Variants in SLIT3 observed in about 807,000 individuals in gnomAD.
The protein encoded by SLIT3 is slit guidance ligand 3, also known as slit homolog 3 protein.
A neutral mutation model predicts 184.0 loss-of-function variants in SLIT3; 68 were observed. The observed-to-expected ratio is 0.37, with a 90% CI of 0.30 to 0.45. The LOEUF (loss-of-function observed/expected upper bound fraction) is 0.45. SLIT3 is among the 20% of genes least tolerant of loss of function. The pLI is 1.00. For missense variants in SLIT3, 1,707 were observed against 2,026.0 expected (o/e 0.84, Z 3.02); for synonymous variants, 831 against 828.6 (o/e 1.00, Z -0.05).
intron 4 of SLIT3, among the ~76,000 whole-genome samples, chr5:169,160,792 C>A (rs1003475871): frequency 1.3e-5 from 2 of 152,160 alleles, no homozygotes; most frequent in Non-Finnish European, 2.9e-5. Context: ...TCAAACAGGC[C>A]AACCACGTGA....
At chr5:169,110,034 C>T (rs1561671030) in intron 4 of SLIT3, among the ~76,000 whole-genome samples, 2 of 152,140 alleles carry the variant, frequency 1.3e-5, no homozygotes, top group African/African-American at 4.8e-5. Context: ...GAGCATTACA[C>T]TTGTAGATAG....
In SLIT3 at chr5:168,842,469, G is replaced by GTTTTTTTTTTTTTTT. The variant is rs778998998; in HGVS notation, c.557+2100_557+2114dup. Among the ~76,000 whole-genome samples, 80 of 88,076 alleles carry GTTTTTTTTTTTTTTT rather than the reference G, an allele frequency of 9.1e-4. 3 individuals are homozygous for GTTTTTTTTTTTTTTT. The highest frequency in any genetic ancestry group is 1.6e-3 in the African/African-American group (34 of 20,854). The allele number at this position is 88,076 out of a possible 152,430, so 57.8% of individuals were successfully genotyped here. ...TGGTGCATCTGGATACCGTTTTTTC[G>GTTTTTTTTTTTTTTT]TTTTTTTTTTTTTTTTTTGTATCTG... On this transcript the variant is annotated intron_variant, in intron 6 of 35. Transcript: ENST00000519560.
chr5:168,757,833 T>C (rs2113492357), intron 16 of SLIT3, among the ~76,000 whole-genome samples: 1 of 152,328 alleles, frequency 6.6e-6, no homozygotes, highest in East Asian at 1.9e-4. Flanking sequence ...ACCACAGCCA[T>C]GTCTTTCATC....
At chr5:168,930,775 C>T (rs760999794) in intron 4 of SLIT3, among the ~76,000 whole-genome samples, 4 of 152,076 alleles carry the variant, frequency 2.6e-5, no homozygotes, top group Middle Eastern at 3.4e-3. Context: ...AGCTAAGGTC[C>T]GGTTCTGGAA....
intron 6 of SLIT3, among the ~76,000 whole-genome samples, chr5:168,840,870 G>C (rs981380202): frequency 6.6e-6 from 1 of 152,170 alleles, no homozygotes; most frequent in Non-Finnish European, 1.5e-5. Flanking sequence ...CAATGGCCAC[G>C]AGTGGGAATA....
intron 27 of SLIT3, among the ~76,000 whole-genome samples, chr5:168,700,297 G>T (rs1452739575): frequency 6.6e-6 from 1 of 152,112 alleles, no homozygotes; most frequent in Admixed American, 6.5e-5. Context: ...ATTGAATCAC[G>T]GGGGCAGTTT....
intron 32 of SLIT3, among the ~76,000 whole-genome samples, chr5:168,679,700 G>A (rs1186426689): frequency 6.6e-6 from 1 of 152,118 alleles, no homozygotes; most frequent in Non-Finnish European, 1.5e-5. Flanking sequence ...AGCAAGCGGA[G>A]ACCTCAGGCC....
intron 5 of SLIT3, among the ~76,000 whole-genome samples, chr5:168,861,217 A>G (rs1192618590): frequency 6.6e-6 from 1 of 151,984 alleles, no homozygotes; most frequent in Non-Finnish European, 1.5e-5. Flanking sequence ...TTAACTCGTC[A>G]TTTACATTAG....
chr5:169,054,792 T>G (rs951463654), intron 4 of SLIT3, among the ~76,000 whole-genome samples: 2 of 152,212 alleles, frequency 1.3e-5, no homozygotes, highest in Non-Finnish European at 2.9e-5. Flanking sequence ...AGCCCCTGTT[T>G]GCCTAACTCC....
chr5:168,907,944 G>GTATATA (rs1224392381), intron 4 of SLIT3, among the ~76,000 whole-genome samples: 27 of 53,072 alleles, frequency 5.1e-4, no homozygotes, highest in Non-Finnish European at 5.9e-4. Context: ...TATTATACGT[G>GTATATA]TATATATATA....
At chr5:168,754,259 G>A (rs1185533681) in intron 16 of SLIT3, among the ~76,000 whole-genome samples, 1 of 152,144 alleles carries the variant, frequency 6.6e-6, no homozygotes, top group East Asian at 1.9e-4. Context: ...TGGATGAATG[G>A]ATCAAGAAAA....
At chr5:169,187,659 T>C (rs1763402547) in intron 4 of SLIT3, among the ~76,000 whole-genome samples, 1 of 151,278 alleles carries the variant, frequency 6.6e-6, no homozygotes, top group South Asian at 2.1e-4. Context: ...GGATCAGTGA[T>C]TTTTGTGCCT....
At chr5:169,161,967 A>G (rs1002883758) in intron 4 of SLIT3, among the ~76,000 whole-genome samples, 3 of 152,068 alleles carry the variant, frequency 2.0e-5, no homozygotes, top group Non-Finnish European at 2.9e-5. Flanking sequence ...TCATGTTTGT[A>G]AAGGGTGCCA....
intron 3 of SLIT3, among the ~76,000 whole-genome samples, chr5:169,203,355 A>G (rs1366639288): frequency 3.2e-5 from 2 of 63,486 alleles, no homozygotes; most frequent in Non-Finnish European, 6.0e-5. Flanking sequence ...GAATGTGCAC[A>G]CACACACACA....
Position 168,724,480 on chromosome 5 carries a change from G to A in SLIT3, c.2275C>T (p.Leu759=). The change falls in exon 21 of 36, where the codon CTG becomes TTG. Residue 759 remains leucine (L), a synonymous_variant. Transcript: ENST00000519560. ...ACGGCTGTTAGGTGGTTTCCTTCCA[G>A]GTACCTGAAAGAGGTGTGGAGAGAC... is the stretch of plus-strand genomic sequence containing the variant. ...GMPKDVTELY[L]EGNHLTAVPR... is the part of the protein sequence containing the mutation. 1 of 1,612,626 alleles carries A rather than the reference G, an allele frequency of 6.2e-7. No individual in the cohort carries two copies.
At chr5:169,293,715 C>T (rs1444956169) in intron 1 of SLIT3, among the ~76,000 whole-genome samples, 1 of 152,190 alleles carries the variant, frequency 6.6e-6, no homozygotes, top group Non-Finnish European at 1.5e-5. Flanking sequence ...ATTTTCCTAT[C>T]TTCTCTGTCC....
At chr5:168,984,045 G>T (rs1470565535) in intron 4 of SLIT3, among the ~76,000 whole-genome samples, 2 of 151,098 alleles carry the variant, frequency 1.3e-5, no homozygotes, top group Non-Finnish European at 2.9e-5. Context: ...GAGAAACCCT[G>T]TCTCAAAATA....
At chr5:169,056,268 A>C (rs1757999454) in intron 4 of SLIT3, among the ~76,000 whole-genome samples, 1 of 152,190 alleles carries the variant, frequency 6.6e-6, no homozygotes, top group Non-Finnish European at 1.5e-5. Context: ...CAGGGTGCCG[A>C]CTTGATTCAC....
intron 24 of SLIT3, among the ~76,000 whole-genome samples, 169 bp downstream of exon 24, chr5:168,712,112 TTC>T (rs1290710954): frequency 5.9e-5 from 9 of 152,254 alleles, no homozygotes; most frequent in African/African-American, 2.2e-4. Context: ...CTTTGAAGGC[TTC>T]TGAGGTGGGA....
Sources: allele counts gnomAD v4.1 joint callset (sites outside exome capture counted in the v4.1 genomes callset), GRCh38; gene constraint gnomAD v4.1.1; transcripts MANE v1.5; gene names NCBI Gene and HGNC (gene_info 2026-07-23, HGNC 2026-07-21).